Variants in PEBP4 observed in about 807,000 individuals in gnomAD.
The protein encoded by PEBP4 is phosphatidylethanolamine binding protein 4.
A neutral mutation model predicts 23.9 loss-of-function variants in PEBP4; 22 were observed. The observed-to-expected ratio is 0.92, with a 90% confidence interval of 0.66 to 1.31. PEBP4 has a LOEUF of 1.31. Among genes scored for constraint, PEBP4 ranks in the 40% most tolerant of loss-of-function variants. PEBP4 has a pLI of 0.00. For missense variants in PEBP4, 324 were observed against 281.7 expected (o/e 1.15, Z -1.07); for synonymous variants, 112 against 99.3 (o/e 1.13, Z -0.76).
At position 22,713,270 on chromosome 8, in the gene PEBP4, T is replaced by TA. The variant is rs1554476922; in HGVS notation, c.*99dup. 3,755 of 1,396,362 alleles carry TA rather than the reference T, an allele frequency of 2.7e-3. 3 individuals carry two copies. The highest frequency in any genetic ancestry group is 7.3e-3 in the Admixed American group (234 of 32,204). 86.5% of individuals were successfully genotyped at this position (1,396,362 alleles called of 1,614,324 possible). On this transcript the variant is annotated 3_prime_UTR_variant, in exon 7 of 7. Coordinates refer to ENST00000256404, the MANE Select transcript of PEBP4 (RefSeq NM_144962.3). ...ACCAAGCCCTGGATGATTTTTTTTT[T>TA]ATTTGGAAAAGAAGGGGTTCTGTAT...
chr8:22,794,296 A>ATTT (rs10709441), intron 4 of PEBP4, among the ~76,000 whole-genome samples: 1 of 148,966 alleles, frequency 6.7e-6, no homozygotes, highest in Admixed American at 6.7e-5. Context: ...GGTACGCACA[A>ATTT]TTTTTTTTTT....
intron 4 of PEBP4, among the ~76,000 whole-genome samples, chr8:22,762,636 GAA>G (rs1805531523): frequency 6.6e-6 from 1 of 152,166 alleles, no homozygotes; most frequent in African/African-American, 2.4e-5. Context: ...CCGTTGCAGA[GAA>G]AAGAGACTGC....
chr8:22,868,966 G>C (rs1807956822), intron 3 of PEBP4, among the ~76,000 whole-genome samples: 2 of 152,110 alleles, frequency 1.3e-5, no homozygotes, highest in African/African-American at 4.8e-5. Context: ...CTGAGCAAAA[G>C]CCACCAGACC....
At chr8:22,909,994 C>G (rs1808903097) in intron 3 of PEBP4, among the ~76,000 whole-genome samples, 1 of 152,230 alleles carries the variant, frequency 6.6e-6, no homozygotes, top group African/African-American at 2.4e-5. Flanking sequence ...CCATGTAATA[C>G]AACTGTACTT....
chr8:22,897,074 T>C (rs1808603678), intron 3 of PEBP4, among the ~76,000 whole-genome samples: 1 of 152,052 alleles, frequency 6.6e-6, no homozygotes. Flanking sequence ...CCAAATATAC[T>C]ACGGCTTAGC....
chr8:22,773,897 A>C (rs990632288), intron 4 of PEBP4, among the ~76,000 whole-genome samples: 28 of 151,956 alleles, frequency 1.8e-4, no homozygotes, highest in Admixed American at 1.6e-3. Context: ...GGACGATGGG[A>C]GAGTTGGGAA....
chr8:22,908,913 G>A (rs1198490642), intron 3 of PEBP4, among the ~76,000 whole-genome samples: 2 of 152,156 alleles, frequency 1.3e-5, no homozygotes, highest in Non-Finnish European at 2.9e-5. Context: ...TCCAGTTAGC[G>A]GCCGAGCTTT....
intron 3 of PEBP4, among the ~76,000 whole-genome samples, chr8:22,822,361 G>GTGTA: frequency 6.6e-6 from 1 of 151,868 alleles, no homozygotes; most frequent in South Asian, 2.1e-4. Context: ...TAAAGTGTGT[G>GTGTA]TGTGTGTGTG....
At chr8:22,861,427 C>T (rs183486503) in intron 3 of PEBP4, among the ~76,000 whole-genome samples, 144 of 152,260 alleles carry the variant, frequency 9.5e-4, no homozygotes, top group African/African-American at 2.8e-3. Context: ...ATCCCCATTT[C>T]GCAAATGATA....
rs966754383 is a variant in PEBP4 at position 22,773,723 on chromosome 8, G to C, written c.357+43914C>G. On this transcript the variant is annotated intron_variant, in intron 4 of 6. Coordinates refer to ENST00000256404, the MANE Select transcript of PEBP4 (RefSeq NM_144962.3). ...TCAGGCTTGTCACTAGGGAGCGGGT[G>C]GGGGCTGAGCCCTCTAGCCACACCT... Among the ~76,000 whole-genome samples the C allele has an allele frequency of 2.0e-5, 3 of 152,270 alleles. No homozygotes were observed. The East Asian group carries it at 5.8e-4, about 29-fold the overall frequency.
chr8:22,740,942 T>C (rs1033178872), intron 4 of PEBP4, among the ~76,000 whole-genome samples: 1 of 152,138 alleles, frequency 6.6e-6, no homozygotes, highest in Non-Finnish European at 1.5e-5. Flanking sequence ...TGTTAGCTCC[T>C]TTCCCCCAGA....
chr8:22,746,553 C>A (rs35858931), intron 4 of PEBP4, among the ~76,000 whole-genome samples: 11,757 of 151,892 alleles, frequency 0.077, 550 homozygotes, highest in East Asian at 0.14. Context: ...CCAGCCTCTT[C>A]CTCCCTGTCC....
intron 4 of PEBP4, among the ~76,000 whole-genome samples, chr8:22,787,518 A>G (rs1806051645): frequency 6.6e-6 from 1 of 152,246 alleles, no homozygotes; most frequent in Non-Finnish European, 1.5e-5. Context: ...TTGTAGTCAG[A>G]AATGACTTAG....
intron 4 of PEBP4, chr8:22,755,589 GCCT>G (rs1585255786): frequency 6.6e-6 from 1 of 152,056 alleles, no homozygotes; most frequent in Admixed American, 6.6e-5. Context: ...ATCCACCTTG[GCCT>G]CCCAAAGTGG....
chr8:22,906,597 A>G (rs118011896), intron 3 of PEBP4, among the ~76,000 whole-genome samples: 5 of 152,254 alleles, frequency 3.3e-5, no homozygotes, highest in Non-Finnish European at 5.9e-5. Flanking sequence ...GCAAGGCTGC[A>G]CTAGTCACAT....
At chr8:22,733,160 A>G (rs1489180783) in intron 4 of PEBP4, among the ~76,000 whole-genome samples, 1 of 152,182 alleles carries the variant, frequency 6.6e-6, no homozygotes, top group Non-Finnish European at 1.5e-5. Flanking sequence ...CTTTAGCCCC[A>G]TTGGACAGGA....
At chr8:22,869,338 A>G (rs1456317540) in intron 3 of PEBP4, among the ~76,000 whole-genome samples, 4 of 152,000 alleles carry the variant, frequency 2.6e-5, no homozygotes, top group Admixed American at 6.6e-5. Flanking sequence ...ATGTTTGTTT[A>G]TTTATTTTTG....
intron 3 of PEBP4, among the ~76,000 whole-genome samples, chr8:22,826,498 A>G (rs957726747): frequency 2.0e-5 from 3 of 152,242 alleles, no homozygotes; most frequent in Non-Finnish European, 4.4e-5. Flanking sequence ...CATTGTTGGA[A>G]ATAACTCAAG....
At chr8:22,733,359 C>T (rs1447522415) in intron 4 of PEBP4, among the ~76,000 whole-genome samples, 1 of 152,186 alleles carries the variant, frequency 6.6e-6, no homozygotes, top group Non-Finnish European at 1.5e-5. Context: ...CCCGTAGGGA[C>T]AGAGAGCTGC....
Sources: allele counts gnomAD v4.1 joint callset (sites outside exome capture counted in the v4.1 genomes callset), GRCh38; gene constraint gnomAD v4.1.1; transcripts MANE v1.5; gene names NCBI Gene and HGNC (gene_info 2026-07-23, HGNC 2026-07-21).